AK4: variants seen among roughly 807,000 people sequenced by gnomAD.
The protein encoded by AK4 is adenylate kinase 4, also known as adenylate kinase 4, mitochondrial.
Under a neutral mutation model 24.6 loss-of-function variants are expected in AK4, and 13 were observed. The observed-to-expected ratio is 0.53, with a 90% CI of 0.34 to 0.84. AK4 has a LOEUF of 0.84. Among genes scored for constraint, AK4 ranks in the 40% least tolerant of loss-of-function variants. AK4 has a pLI of 0.01. For missense variants in AK4, 192 were observed against 288.2 expected (o/e 0.67, Z 2.42); for synonymous variants, 88 against 107.0 (o/e 0.82, Z 1.10).
Position 65,226,791 on chromosome 1 carries a change from A to T in AK4, c.*614A>T, listed in dbSNP as rs1652475242. The T allele has an allele frequency of 1.3e-5, 2 of 151,102 alleles. No homozygotes were observed. The highest frequency in any genetic ancestry group is 1.3e-4 in the Admixed American group (2 of 15,180). 9.4% of individuals were successfully genotyped at this position (151,102 alleles called of 1,614,324 possible). Reference sequence around the variant, plus strand: ...GTCTCTCCTTTTCAGACATCCTGGGATGAAAGAATTTGGCTTTTTTTTTTC... The same window carrying T: ...GTCTCTCCTTTTCAGACATCCTGGGTTGAAAGAATTTGGCTTTTTTTTTTC... On this transcript the variant is annotated 3_prime_UTR_variant, in exon 5 of 5. Transcript: ENST00000327299.
intron 1 of AK4, among the ~76,000 whole-genome samples, chr1:65,154,852 ATTT>A (rs71056081): frequency 1.4e-5 from 2 of 146,840 alleles, no homozygotes; most frequent in African/African-American, 5.0e-5. Context: ...CATAGGGAGA[ATTT>A]TTTTTTTTTT....
intron 2 of AK4, among the ~76,000 whole-genome samples, chr1:65,215,176 C>CTT (rs1553127383): frequency 0.25 from 28,331 of 114,360 alleles, 2,907 homozygotes; most frequent in East Asian, 0.41. Context: ...TTCTTTCTTT[C>CTT]TTTTTTTTTT....
At chr1:65,187,083 G>C (rs1651123424) in intron 1 of AK4, among the ~76,000 whole-genome samples, 1 of 151,564 alleles carries the variant, frequency 6.6e-6, no homozygotes, top group African/African-American at 2.4e-5. Context: ...AGGGAGGCCG[G>C]GCGCGGTGGC....
intron 2 of AK4, among the ~76,000 whole-genome samples, chr1:65,216,883 T>A (rs1652149580): frequency 6.6e-6 from 1 of 151,778 alleles, no homozygotes; most frequent in African/African-American, 2.4e-5. Context: ...TTATTTTTGG[T>A]AGAGATGGGT....
At chr1:65,204,323 C>T (rs2101061688) in intron 2 of AK4, among the ~76,000 whole-genome samples, 1 of 151,930 alleles carries the variant, frequency 6.6e-6, no homozygotes, top group East Asian at 1.9e-4. Flanking sequence ...GCCTCAGCCT[C>T]CCAAGTAGTG....
chr1:65,189,454 T>C (rs888303145), intron 1 of AK4, among the ~76,000 whole-genome samples: 1 of 151,824 alleles, frequency 6.6e-6, no homozygotes, highest in Non-Finnish European at 1.5e-5. Flanking sequence ...AGTTTTGTAT[T>C]TTTAGTAGAG....
chr1:65,167,617 T>A (rs1234855127), intron 1 of AK4, among the ~76,000 whole-genome samples: 1 of 152,194 alleles, frequency 6.6e-6, no homozygotes, highest in Non-Finnish European at 1.5e-5. Flanking sequence ...CTAAACACTA[T>A]GCATAACAAT....
chr1:65,219,429 G>T (rs1288989629), intron 3 of AK4, among the ~76,000 whole-genome samples: 1 of 152,094 alleles, frequency 6.6e-6, no homozygotes, highest in Non-Finnish European at 1.5e-5. Flanking sequence ...ATAGGTTGAT[G>T]CTTGTTTCAA....
chr1:65,191,541 G>A (rs962723734), intron 2 of AK4, among the ~76,000 whole-genome samples: 1 of 151,524 alleles, frequency 6.6e-6, no homozygotes, highest in Admixed American at 6.6e-5. Context: ...GGATAGGGAA[G>A]GTAGGTTTTT....
intron 1 of AK4, 67 bp from the exon 2 acceptor site, chr1:65,190,643 A>G: frequency 5.8e-6 from 9 of 1,555,848 alleles, no homozygotes; most frequent in Non-Finnish European, 7.8e-6. Context: ...GGCAAAACTA[A>G]GAGTTGGTAA....
chr1:65,202,525 A>G (rs1651693192), intron 2 of AK4, among the ~76,000 whole-genome samples: 1 of 152,218 alleles, frequency 6.6e-6, no homozygotes, highest in African/African-American at 2.4e-5. Context: ...AGATGCACCT[A>G]GCCCATTTGC....
intron 1 of AK4, among the ~76,000 whole-genome samples, chr1:65,152,344 C>A (rs1426276896): frequency 2.3e-5 from 1 of 43,240 alleles, no homozygotes; most frequent in African/African-American, 1.1e-4. Context: ...CTCTCTCTCT[C>A]TCTCTCTCTC....
chr1:65,171,918 T>C (rs1342024655), intron 1 of AK4, among the ~76,000 whole-genome samples: 1 of 150,770 alleles, frequency 6.6e-6, no homozygotes, highest in African/African-American at 2.4e-5. Flanking sequence ...AAATAAAAAA[T>C]TAGCATGGTG....
chr1:65,148,145 G>C, upstream of AK4: 1 of 638,944 alleles, frequency 1.6e-6, no homozygotes, highest in Non-Finnish European at 2.4e-6. Flanking sequence ...GCGTGGGGGC[G>C]AGGAGGTGGA....
chr1:65,166,641 G>A (rs978421887), intron 1 of AK4, among the ~76,000 whole-genome samples: 7 of 152,038 alleles, frequency 4.6e-5, no homozygotes, highest in African/African-American at 1.4e-4. Flanking sequence ...TCCCACCTCC[G>A]TTTCCCATGT....
At chr1:65,182,221 C>T (rs1301347892) in intron 1 of AK4, among the ~76,000 whole-genome samples, 1 of 152,116 alleles carries the variant, frequency 6.6e-6, no homozygotes, top group Non-Finnish European at 1.5e-5. Flanking sequence ...ACACTCAGTT[C>T]AAGGGTACGA....
chr1:65,188,498 A>C (rs1651177622), intron 1 of AK4, among the ~76,000 whole-genome samples: 1 of 152,054 alleles, frequency 6.6e-6, no homozygotes, highest in African/African-American at 2.4e-5. Flanking sequence ...TTTTTGTTTG[A>C]GATGGAGTCT....
intron 2 of AK4, among the ~76,000 whole-genome samples, chr1:65,204,314 C>T (rs1234248218): frequency 1.3e-5 from 2 of 151,832 alleles, no homozygotes; most frequent in African/African-American, 4.8e-5. Context: ...GATTCTCCTG[C>T]CTCAGCCTCC....
At chr1:65,198,092 C>T (rs992053029) in intron 2 of AK4, among the ~76,000 whole-genome samples, 9 of 152,128 alleles carry the variant, frequency 5.9e-5, no homozygotes, top group African/African-American at 1.7e-4. Flanking sequence ...AGTAGTTTAT[C>T]TTAGTCATTT....
Sources: allele counts gnomAD v4.1 joint callset (sites outside exome capture counted in the v4.1 genomes callset), GRCh38; gene constraint gnomAD v4.1.1; transcripts MANE v1.5; gene names NCBI Gene and HGNC (gene_info 2026-07-23, HGNC 2026-07-21).